Variants in TCF4 observed in about 807,000 individuals in gnomAD.
TCF4 encodes the protein SL3-3 enhancer factor 2.
In TCF4, 3 loss-of-function variants were observed where a neutral mutation model predicts 82.1. The ratio of observed to expected loss-of-function variants is 0.04; its 90% CI spans 0.02 to 0.09. The LOEUF is 0.09. TCF4 is among the 10% of genes least tolerant of loss of function. TCF4 has a pLI of 1.00. For synonymous variants in TCF4, 276 were observed against 309.6 expected, an observed-to-expected ratio of 0.89 and a Z score of 1.14; for missense variants, 518 against 852.7, an observed-to-expected ratio of 0.61 and a Z score of 4.89.
At chr18:55,251,297 T>C (rs1309549002) in intron 15 of TCF4, among the ~76,000 whole-genome samples, 1 of 151,192 alleles carries the variant, frequency 6.6e-6, no homozygotes, top group South Asian at 2.1e-4. Flanking sequence ...ACATTCGCTC[T>C]TGTGTTATGA....
At chr18:55,260,413 G>A (rs1276957785) in intron 12 of TCF4, among the ~76,000 whole-genome samples, 1 of 152,170 alleles carries the variant, frequency 6.6e-6, no homozygotes, top group Non-Finnish European at 1.5e-5. Context: ...GCCAGATCTA[G>A]GCGTTTGATT....
In TCF4 at chr18:55,587,037, T is replaced by G. The variant is rs1325816267; in HGVS notation, c.72+8A>C. 6.2e-7 allele frequency: 1 copy of G among 1,613,562 alleles called. No homozygotes were observed. Among genetic ancestry groups the G allele is most frequent in the African/African-American group, 1.3e-5 (1 of 74,858 alleles). Reference sequence around the variant, plus strand: ...CAGCTGTTGTTAGTTTCCACCGTTCTTTCTTACCGCACTGAAATCCAGTAA... The same window carrying G: ...CAGCTGTTGTTAGTTTCCACCGTTCGTTCTTACCGCACTGAAATCCAGTAA... On this transcript the variant is annotated splice_region_variant and intron_variant, in intron 2 of 19. Coordinates refer to ENST00000354452, the MANE Select transcript of TCF4 (RefSeq NM_001083962.2).
At chr18:55,529,856 C>T (rs967091928) in intron 3 of TCF4, among the ~76,000 whole-genome samples, 17 of 152,142 alleles carry the variant, frequency 1.1e-4, no homozygotes, top group Non-Finnish European at 2.4e-4. Flanking sequence ...CAAAGCCCTC[C>T]TTGTGGCCAT....
intron 4 of TCF4, among the ~76,000 whole-genome samples, chr18:55,463,574 T>C (rs538039113): frequency 6.6e-6 from 1 of 152,280 alleles, no homozygotes; most frequent in Non-Finnish European, 1.5e-5. Context: ...AATGATAACA[T>C]GTCTACATAG....
intron 2 of TCF4, among the ~76,000 whole-genome samples, chr18:55,620,829 G>T: frequency 6.6e-6 from 1 of 150,470 alleles, no homozygotes; most frequent in African/African-American, 2.5e-5. Flanking sequence ...CTTGCAGGTG[G>T]CTGGATAAAT....
intron 12 of TCF4, 167 bp downstream of exon 12, chr18:55,261,299 T>C: frequency 1.2e-6 from 1 of 808,884 alleles, no homozygotes. Context: ...TACTGGAAGC[T>C]TCAGAGCCTT....
intron 16 of TCF4, 152 bp from the exon 17 acceptor site, chr18:55,232,823 A>G: frequency 1.0e-6 from 1 of 976,960 alleles, no homozygotes; most frequent in South Asian, 1.5e-5. Context: ...GTTTCAAAAA[A>G]TGCACCTGCA....
chr18:55,355,864 A>G (rs545394144), intron 6 of TCF4, among the ~76,000 whole-genome samples: 61 of 152,320 alleles, frequency 4.0e-4, no homozygotes, highest in African/African-American at 1.4e-3. Flanking sequence ...TACATTAAAC[A>G]TATCATGCAC....
chr18:55,425,919 T>C (rs1232717913), intron 5 of TCF4, among the ~76,000 whole-genome samples: 1 of 152,134 alleles, frequency 6.6e-6, no homozygotes, highest in African/African-American at 2.4e-5. Flanking sequence ...CTGTTTAAAC[T>C]ACCACTCTAC....
At chr18:55,350,825 G>A in intron 7 of TCF4, 49 bp downstream of exon 7, 7 of 1,611,086 alleles carry the variant, frequency 4.3e-6, no homozygotes, top group Admixed American at 1.7e-5. Flanking sequence ...AAGAAAAAAA[G>A]AAAAAGGCAT....
intron 3 of TCF4, among the ~76,000 whole-genome samples, chr18:55,494,157 GACACAC>G (rs3138626): frequency 6.8e-6 from 1 of 147,622 alleles, no homozygotes; most frequent in Non-Finnish European, 1.5e-5. Context: ...AAATATTATG[GACACAC>G]ACACACACAC....
chr18:55,427,900 G>C (rs1183623537), intron 5 of TCF4, among the ~76,000 whole-genome samples: 1 of 152,218 alleles, frequency 6.6e-6, no homozygotes, highest in East Asian at 1.9e-4. Flanking sequence ...ACTTAACTAG[G>C]TGTAATTTAC....
intron 5 of TCF4, among the ~76,000 whole-genome samples, chr18:55,426,791 A>C (rs2095003204): frequency 6.6e-6 from 1 of 152,160 alleles, no homozygotes; most frequent in African/African-American, 2.4e-5. Context: ...ATGTACTTCT[A>C]TATATATCAT....
At chr18:55,567,880 C>T (rs1339846902) in intron 3 of TCF4, among the ~76,000 whole-genome samples, 1 of 152,056 alleles carries the variant, frequency 6.6e-6, no homozygotes, top group Non-Finnish European at 1.5e-5. Flanking sequence ...TGTTGCCATA[C>T]AGAATAGTTC....
rs138132925 is a variant in TCF4 at position 55,600,859 on chromosome 18, G to A, written c.287-13723C>T. Reference sequence around the variant, plus strand: ...TGGCCATTATTTCCTACGCAATAGAGTGTAACAAGTATTTACAAAGAATTT... The same window carrying A: ...TGGCCATTATTTCCTACGCAATAGAATGTAACAAGTATTTACAAAGAATTT... On this transcript the variant is annotated intron_variant, in intron 2 of 20. Transcript: ENST00000398339. 3.3e-5 allele frequency among the ~76,000 whole-genome samples: 5 copies of A among 152,318 alleles called. No homozygotes were observed. The East Asian group carries it at 9.6e-4, about 29-fold the overall frequency.
chr18:55,247,559 G>GA (rs2053660848), intron 15 of TCF4, among the ~76,000 whole-genome samples: 1 of 152,198 alleles, frequency 6.6e-6, no homozygotes, highest in African/African-American at 2.4e-5. Context: ...ACAAGGTACT[G>GA]AATGGGGGAG....
chr18:55,282,872 T>C (rs1325669314), intron 8 of TCF4, among the ~76,000 whole-genome samples: 1 of 151,900 alleles, frequency 6.6e-6, no homozygotes, highest in African/African-American at 2.4e-5. Flanking sequence ...TCAAGGTGAC[T>C]GTTGGCATTC....
intron 5 of TCF4, among the ~76,000 whole-genome samples, chr18:55,441,277 C>T (rs187417708): frequency 6.6e-6 from 1 of 152,334 alleles, no homozygotes; most frequent in Admixed American, 6.5e-5. Context: ...TCTTAAAATA[C>T]TCTCCCATTC....
At position 55,384,879 on chromosome 18, in the gene TCF4, A is replaced by G. The variant is rs2092441493; in HGVS notation, c.369+18575T>C. ...TAAAGGAGAAACCTAGGGATTCTGT[A>G]GAGCAGAAAGGTGAGTTCCCAAAAT... On this transcript the variant is annotated intron_variant, in intron 6 of 19. Transcript: ENST00000354452. Among the ~76,000 whole-genome samples the G allele has an allele frequency of 2.0e-5, 3 of 152,208 alleles. No individual in the cohort carries two copies. The South Asian group carries it at 6.2e-4, about 32-fold the overall frequency.
Sources: allele counts gnomAD v4.1 joint callset (sites outside exome capture counted in the v4.1 genomes callset), GRCh38; gene constraint gnomAD v4.1.1; transcripts MANE v1.5; gene names NCBI Gene and HGNC (gene_info 2026-07-23, HGNC 2026-07-21).